Variants in BORCS5 observed in about 807,000 individuals in gnomAD.
BORCS5 encodes BLOC-1-related complex subunit 5.
Under a neutral mutation model 22.1 loss-of-function variants are expected in BORCS5, and 17 were observed. The observed-to-expected ratio is 0.77, with a 90% CI of 0.53 to 1.15. The LOEUF is 1.15. BORCS5 is among the 50% of genes most tolerant of loss of function. The pLI is 0.00. For synonymous variants in BORCS5, 117 were observed against 99.8 expected, an observed-to-expected ratio of 1.17 and a Z score of -1.03; for missense variants, 247 against 253.2, an observed-to-expected ratio of 0.98 and a Z score of 0.17.
intron 2 of BORCS5, among the ~76,000 whole-genome samples, chr12:12,380,806 G>T (rs1441958660): frequency 1.3e-5 from 2 of 151,028 alleles, no homozygotes; most frequent in Non-Finnish European, 1.5e-5. Flanking sequence ...TCTCATTATG[G>T]TTTACATTTA....
intron 2 of BORCS5, among the ~76,000 whole-genome samples, chr12:12,411,603 T>G (rs577211004): frequency 6.6e-6 from 1 of 152,346 alleles, no homozygotes; most frequent in African/African-American, 2.4e-5. Context: ...GCATAAAGTT[T>G]TAAAATTTTC....
chr12:12,393,235 C>CA (rs1941244882), intron 2 of BORCS5, among the ~76,000 whole-genome samples: 1 of 151,752 alleles, frequency 6.6e-6, no homozygotes, highest in Non-Finnish European at 1.5e-5. Flanking sequence ...ACCTTATCTC[C>CA]AAAAAATAAT....
chr12:12,404,242 G>A (rs968566092), intron 2 of BORCS5, among the ~76,000 whole-genome samples: 1 of 152,182 alleles, frequency 6.6e-6, no homozygotes, highest in Admixed American at 6.5e-5. Context: ...TTGGAAATTA[G>A]AGATCTTTAG....
At chr12:12,364,724 T>C (rs551224313) in intron 2 of BORCS5, among the ~76,000 whole-genome samples, 2 of 152,336 alleles carry the variant, frequency 1.3e-5, no homozygotes, top group South Asian at 2.1e-4. Flanking sequence ...CCTAGCACTT[T>C]GGAAGGCCAA....
chr12:12,360,547 C>T (rs1307409739), intron 1 of BORCS5, among the ~76,000 whole-genome samples: 2 of 146,426 alleles, frequency 1.4e-5, no homozygotes, highest in South Asian at 2.2e-4. Context: ...TGCACCACCA[C>T]ATCTGACTAA....
intron 2 of BORCS5, among the ~76,000 whole-genome samples, chr12:12,434,281 C>CAAAA (rs139357200): frequency 6.5e-5 from 5 of 76,578 alleles, no homozygotes; most frequent in Non-Finnish European, 9.8e-5. Flanking sequence ...GACTCTGTCT[C>CAAAA]AAAAAAAAAA....
At chr12:12,365,778 A>G (rs1410916504) in intron 2 of BORCS5, among the ~76,000 whole-genome samples, 4 of 152,202 alleles carry the variant, frequency 2.6e-5, no homozygotes, top group African/African-American at 4.8e-5. Flanking sequence ...TTCTGTTTTT[A>G]TAGATTAAAA....
intron 3 of BORCS5, among the ~76,000 whole-genome samples, chr12:12,462,687 C>T (rs1487937597): frequency 2.0e-5 from 3 of 148,078 alleles, no homozygotes; most frequent in Non-Finnish European, 3.0e-5. Context: ...GATGGAGTCT[C>T]GCTCTGTCAC....
chr12:12,423,438 C>CTTTTTT (rs939681383), intron 2 of BORCS5, among the ~76,000 whole-genome samples: 3 of 57,252 alleles, frequency 5.2e-5, no homozygotes, highest in East Asian at 1.0e-3. Flanking sequence ...ACTCCCTCAG[C>CTTTTTT]TTTTTTTTTT....
At chr12:12,368,205 A>C (rs149348044) in intron 2 of BORCS5, among the ~76,000 whole-genome samples, 122 of 151,360 alleles carry the variant, frequency 8.1e-4, no homozygotes, top group South Asian at 6.7e-3. Flanking sequence ...CGTATTTAAC[A>C]TAGGTTTCTA....
intron 2 of BORCS5, among the ~76,000 whole-genome samples, chr12:12,362,940 C>T (rs2136016685): frequency 6.6e-6 from 1 of 151,984 alleles, no homozygotes; most frequent in East Asian, 2.0e-4. Flanking sequence ...CGTGAGGCAC[C>T]TTGCATGGCC....
chr12:12,423,559 T>C (rs903532403), intron 2 of BORCS5, among the ~76,000 whole-genome samples: 55 of 151,892 alleles, frequency 3.6e-4, no homozygotes, highest in African/African-American at 1.3e-3. Flanking sequence ...TTTTTTGTTT[T>C]TTTTTCTTTT....
intron 2 of BORCS5, among the ~76,000 whole-genome samples, chr12:12,410,361 T>G (rs1197174230): frequency 6.6e-6 from 1 of 152,228 alleles, no homozygotes; most frequent in Non-Finnish European, 1.5e-5. Flanking sequence ...TGGTTTTAGG[T>G]CTAACATTGA....
At chr12:12,433,739 T>G (rs904793957) in intron 2 of BORCS5, among the ~76,000 whole-genome samples, 1 of 152,168 alleles carries the variant, frequency 6.6e-6, no homozygotes, top group Non-Finnish European at 1.5e-5. Flanking sequence ...GTGTTAGGAC[T>G]TGTAGTGCAG....
chr12:12,435,878 TG>T (rs1444156133), intron 3 of BORCS5, 93 bp downstream of exon 3: 1 of 1,270,360 alleles, frequency 7.9e-7, no homozygotes, highest in African/African-American at 1.5e-5. Context: ...TTGTCACTAT[TG>T]CTTTGAGGAG....
chr12:12,464,229 C>G (rs1246740286), intron 3 of BORCS5, among the ~76,000 whole-genome samples: 4 of 151,656 alleles, frequency 2.6e-5, no homozygotes, highest in African/African-American at 9.7e-5. Flanking sequence ...TTCTCCTTCT[C>G]CCCGTGCCCA....
chr12:12,395,987 T>TTTTG (rs535193441), intron 2 of BORCS5, among the ~76,000 whole-genome samples: 1 of 151,858 alleles, frequency 6.6e-6, no homozygotes, highest in East Asian at 1.9e-4. Flanking sequence ...GGGAGATTAA[T>TTTTG]TTTGTTTGTT....
intron 3 of BORCS5, among the ~76,000 whole-genome samples, chr12:12,459,025 A>G (rs1943053564): frequency 6.6e-6 from 1 of 151,860 alleles, no homozygotes; most frequent in African/African-American, 2.4e-5. Context: ...CCTCCCAAGT[A>G]GCTGGGATTA....
At chr12:12,401,117 C>T (rs376440327) in intron 2 of BORCS5, among the ~76,000 whole-genome samples, 9 of 152,142 alleles carry the variant, frequency 5.9e-5, no homozygotes, top group African/African-American at 1.7e-4. Context: ...CAGTGGACAT[C>T]TTTGTACATG....
Sources: allele counts gnomAD v4.1 joint callset (sites outside exome capture counted in the v4.1 genomes callset), GRCh38; gene constraint gnomAD v4.1.1; transcripts MANE v1.5; gene names NCBI Gene and HGNC (gene_info 2026-07-23, HGNC 2026-07-21).